The following CAMK2D variants were observed in gnomAD, a reference collection of about 807,000 sequenced individuals.
CAMK2D encodes the protein calcium/calmodulin dependent protein kinase II delta, also known as calcium/calmodulin-dependent protein kinase type II subunit delta.
In CAMK2D, 37 loss-of-function variants were observed where a neutral mutation model predicts 84.0. The observed-to-expected ratio is 0.44, with a 90% confidence interval of 0.34 to 0.58. The LOEUF (loss-of-function observed/expected upper bound fraction) is 0.58. CAMK2D is among the 20% of genes least tolerant of loss of function. The pLI, the probability that CAMK2D is intolerant of heterozygous loss-of-function variation, is 0.02. For synonymous variants in CAMK2D, 202 were observed against 212.5 expected (o/e 0.95, Z 0.43); for missense variants, 448 against 652.5 (o/e 0.69, Z 3.41).
intron 4 of CAMK2D, among the ~76,000 whole-genome samples, chr4:113,589,437 C>A (rs1197025783): frequency 6.6e-6 from 1 of 152,060 alleles, no homozygotes; most frequent in Non-Finnish European, 1.5e-5. Flanking sequence ...CTAGCATGCA[C>A]CAGGCTATGA....
At chr4:113,728,605 A>G (rs926853960) in intron 2 of CAMK2D, among the ~76,000 whole-genome samples, 1 of 152,190 alleles carries the variant, frequency 6.6e-6, no homozygotes, top group Non-Finnish European at 1.5e-5. Context: ...ATTTTATTAT[A>G]AGTAAGTAGT....
At chr4:113,533,577 A>C (rs2098471552) in intron 7 of CAMK2D, among the ~76,000 whole-genome samples, 1 of 152,144 alleles carries the variant, frequency 6.6e-6, no homozygotes, top group Non-Finnish European at 1.5e-5. Context: ...CATTGGCATA[A>C]AAAGAACCTT....
chr4:113,700,121 CAGTCAAGATTG>C (rs1400756904), intron 2 of CAMK2D, among the ~76,000 whole-genome samples: 15 of 152,178 alleles, frequency 9.9e-5, no homozygotes, highest in Non-Finnish European at 2.1e-4. Context: ...TGATTAAAGC[CAGTCAAGATTG>C]AGGCAACTTT....
At chr4:113,554,730 T>G (rs1206793865) in intron 4 of CAMK2D, among the ~76,000 whole-genome samples, 1 of 152,174 alleles carries the variant, frequency 6.6e-6, no homozygotes, top group Non-Finnish European at 1.5e-5. Flanking sequence ...GAACACAAAA[T>G]TAAGCCATAG....
intron 4 of CAMK2D, among the ~76,000 whole-genome samples, chr4:113,584,417 T>C (rs1471093863): frequency 6.6e-6 from 1 of 152,114 alleles, no homozygotes; most frequent in Non-Finnish European, 1.5e-5. Flanking sequence ...ACCCCGATGA[T>C]GAGGAGAGAA....
intron 6 of CAMK2D, among the ~76,000 whole-genome samples, chr4:113,542,604 A>G (rs562289828): frequency 1.3e-5 from 2 of 151,952 alleles, no homozygotes; most frequent in South Asian, 4.2e-4. Context: ...AGTCCCAGCT[A>G]CTCGGGAGGC....
chr4:113,457,295 G>T, intron 19 of CAMK2D, 40 bp downstream of exon 19: 1 of 1,610,586 alleles, frequency 6.2e-7, no homozygotes, highest in Non-Finnish European at 8.5e-7. Context: ...GCTGACCATG[G>T]GTGTATTAAC....
intron 3 of CAMK2D, among the ~76,000 whole-genome samples, chr4:113,639,374 T>C (rs2099123049): frequency 6.6e-6 from 1 of 152,038 alleles, no homozygotes; most frequent in Admixed American, 6.6e-5. Context: ...TGCTAGGCCC[T>C]GAAGATAAAA....
intron 4 of CAMK2D, among the ~76,000 whole-genome samples, chr4:113,583,184 A>C (rs1202703817): frequency 6.6e-6 from 1 of 152,140 alleles, no homozygotes; most frequent in Non-Finnish European, 1.5e-5. Context: ...TTAAACAAGA[A>C]TTTTCCAGGG....
At chr4:113,614,511 TAAAAG>T (rs1470003277) in intron 3 of CAMK2D, among the ~76,000 whole-genome samples, 1 of 152,130 alleles carries the variant, frequency 6.6e-6, no homozygotes, top group South Asian at 2.1e-4. Flanking sequence ...CTTGCTGTGC[TAAAAG>T]AAAAGATCAG....
intron 3 of CAMK2D, among the ~76,000 whole-genome samples, chr4:113,628,507 G>A (rs930776459): frequency 6.6e-6 from 1 of 152,044 alleles, no homozygotes; most frequent in African/African-American, 2.4e-5. Context: ...AAACAGTGAA[G>A]TTTGAAGTGA....
chr4:113,558,694 A>G (rs2098682792), intron 4 of CAMK2D, among the ~76,000 whole-genome samples: 1 of 152,160 alleles, frequency 6.6e-6, no homozygotes, highest in Admixed American at 6.5e-5. Flanking sequence ...GTGTATATAT[A>G]TATGTAATTT....
At chr4:113,595,682 C>T (rs1320470755) in intron 4 of CAMK2D, among the ~76,000 whole-genome samples, 1 of 152,174 alleles carries the variant, frequency 6.6e-6, no homozygotes, top group East Asian at 1.9e-4. Flanking sequence ...TATGTTTGCA[C>T]TATACCATGG....
At chr4:113,682,347 T>C (rs754216029) in intron 2 of CAMK2D, among the ~76,000 whole-genome samples, 5 of 152,084 alleles carry the variant, frequency 3.3e-5, no homozygotes, top group Admixed American at 6.5e-5. Flanking sequence ...AATTTATAAT[T>C]TCAAATTTTA....
At chr4:113,705,326 C>CAA (rs34325573) in intron 2 of CAMK2D, among the ~76,000 whole-genome samples, 17,263 of 90,690 alleles carry the variant, frequency 0.19, 1,390 homozygotes, top group Middle Eastern at 0.29. Flanking sequence ...GACTCCATCT[C>CAA]AAAAAAAAAA....
intron 3 of CAMK2D, among the ~76,000 whole-genome samples, chr4:113,614,770 GA>G (rs2099014738): frequency 6.6e-6 from 1 of 152,078 alleles, no homozygotes; most frequent in South Asian, 2.1e-4. Flanking sequence ...TAAATAAACA[GA>G]AAAGACTTAA....
intron 3 of CAMK2D, among the ~76,000 whole-genome samples, chr4:113,656,604 G>A (rs1404761785): frequency 1.3e-5 from 2 of 152,018 alleles, no homozygotes; most frequent in Non-Finnish European, 2.9e-5. Context: ...TCTGGTTAAC[G>A]AAACCCTACT....
chr4:113,728,937 T>A (rs1405647052), intron 2 of CAMK2D, among the ~76,000 whole-genome samples: 1 of 152,162 alleles, frequency 6.6e-6, no homozygotes, highest in Non-Finnish European at 1.5e-5. Flanking sequence ...CACAGCTAAG[T>A]ACACATGCAA....
At chr4:113,474,413 G>C (rs957893870) in intron 16 of CAMK2D, among the ~76,000 whole-genome samples, 1 of 145,992 alleles carries the variant, frequency 6.8e-6, no homozygotes, top group African/African-American at 2.5e-5. Context: ...TTATTTTCTT[G>C]AAAGAAAAAA....
Sources: allele counts gnomAD v4.1 joint callset (sites outside exome capture counted in the v4.1 genomes callset), GRCh38; gene constraint gnomAD v4.1.1; transcripts MANE v1.5; gene names NCBI Gene and HGNC (gene_info 2026-07-23, HGNC 2026-07-21).